The following FAM234A variants were observed in gnomAD, a reference collection of about 807,000 sequenced individuals.
FAM234A encodes family with sequence similarity 234 member A, also known as protein FAM234A.
A neutral mutation model predicts 49.1 loss-of-function variants in FAM234A; 42 were observed. That is an observed-to-expected ratio of 0.86 (90% CI 0.67 to 1.11). The LOEUF is 1.11. Ranked by LOEUF, FAM234A falls within the 50% of genes least tolerant of loss-of-function variation. FAM234A has a pLI of 0.00. For synonymous variants in FAM234A, 369 were observed against 316.2 expected (o/e 1.17, Z -1.77); for missense variants, 815 against 745.2 (o/e 1.09, Z -1.09).
downstream of FAM234A, chr16:269,298 C>T: frequency 6.3e-7 from 1 of 1,584,490 alleles, no homozygotes; most frequent in Non-Finnish European, 8.6e-7. Flanking sequence ...CCCCCAGGGC[C>T]ACAAGCCGCT....
At position 254,395 on chromosome 16, in the gene FAM234A, A is replaced by C. The variant is rs981876167; in HGVS notation, c.-19A>C. Reference sequence around the variant, plus strand: ...TATCGACACAGTGACCAGGAGTTAAACTTTGGGATGTGCCCGTGATGTTGG... The same window carrying C: ...TATCGACACAGTGACCAGGAGTTAACCTTTGGGATGTGCCCGTGATGTTGG... On this transcript the variant is annotated 5_prime_UTR_variant, in exon 3 of 13. Transcript: ENST00000399932. 5.6e-6 allele frequency: 9 copies of C among 1,612,794 alleles called. No individual in the cohort carries two copies. Among genetic ancestry groups the C allele is most frequent in the Non-Finnish European group, 5.9e-6 (7 of 1,179,292 alleles).
intron 1 of FAM234A, among the ~76,000 whole-genome samples, chr16:236,630 G>A (rs1361529307): frequency 6.7e-6 from 1 of 149,910 alleles, no homozygotes; most frequent in Admixed American, 6.7e-5. Flanking sequence ...AAATAGGCCG[G>A]GCGCGGTGGC....
chr16:268,491 G>T, downstream of FAM234A: 1 of 518,812 alleles, frequency 1.9e-6, no homozygotes, highest in East Asian at 3.4e-5. Flanking sequence ...AGGCACTTGG[G>T]GGATGGGGAG....
chr16:241,856 A>C (rs1292926449), intron 1 of FAM234A, among the ~76,000 whole-genome samples: 1 of 150,186 alleles, frequency 6.7e-6, no homozygotes, highest in Non-Finnish European at 1.5e-5. Flanking sequence ...CAGTGAGCCA[A>C]GATTGCACCA....
chr16:264,178 G>A lies in FAM234A; in HGVS notation c.1344+7G>A. On this transcript the variant is annotated splice_region_variant and intron_variant, in intron 11 of 12. Coordinates refer to ENST00000399932, the MANE Select transcript of FAM234A (RefSeq NM_032039.4). ...GGGGAGCACCAGCGAGACGGTACGG[G>A]AGCCACCCTCGGAGCAGCCATGCTG... is the stretch of plus-strand genomic sequence containing the variant. 6.3e-7 allele frequency: 1 copy of A among 1,594,558 alleles called. No homozygotes were observed. The highest frequency in any genetic ancestry group is 8.5e-7 in the Non-Finnish European group (1 of 1,175,472).
At chr16:239,175 C>T in intron 1 of FAM234A, among the ~76,000 whole-genome samples, 1 of 74 alleles carries the variant, frequency 0.014, no homozygotes, top group Non-Finnish European at 0.038. Context: ...TGGCGGGCAC[C>T]TGTAGTCCCA....
At chr16:268,087 CTT>C (rs931959936), downstream of FAM234A, among the ~76,000 whole-genome samples, 2 of 149,574 alleles carry the variant, frequency 1.3e-5, no homozygotes, top group African/African-American at 2.5e-5. Flanking sequence ...CGTACACACA[CTT>C]GTGCCTCAGT....
intron 10 of FAM234A, 64 bp downstream of exon 10, chr16:263,839 G>A: frequency 6.8e-7 from 1 of 1,475,762 alleles, no homozygotes; most frequent in Non-Finnish European, 9.5e-7. Flanking sequence ...TGGTCTGAAA[G>A]CAGACGGGGC....
chr16:259,405 A>G (rs1411555090), intron 3 of FAM234A, 78 bp from the exon 4 acceptor site: 2 of 806,802 alleles, frequency 2.5e-6, no homozygotes, highest in Non-Finnish European at 4.3e-6. Flanking sequence ...GTAGCAGAGA[A>G]GTAGGTCGTG....
Position 254,419 on chromosome 16 carries a change from G to A in FAM234A, c.6G>A (p.Leu2=). 6.2e-7 allele frequency: 1 copy of A among 1,613,776 alleles called. No individual in the cohort carries two copies. Among genetic ancestry groups the A allele is most frequent in the East Asian group, 2.2e-5 (1 of 44,874 alleles). ...AACTTTGGGATGTGCCCGTGATGTT[G>A]GACCACAAGGACTTAGAGGCCGAAA... The part of the protein sequence containing the change: M[L]DHKDLEAEIH... The change falls in exon 3 of 13, where the codon TTG becomes TTA. Residue 2 remains leucine (L), a synonymous_variant. Transcript: ENST00000399932.
Position 264,062 on chromosome 16 carries a change from C to T in FAM234A, c.1235C>T (p.Ala412Val). 1.2e-6 allele frequency: 2 copies of T among 1,613,168 alleles called. No homozygotes were observed. The highest frequency in any genetic ancestry group is 1.7e-6 in the Non-Finnish European group (2 of 1,179,970). The change falls in exon 11 of 13, where the codon GCC becomes GTC. Residue 412 changes from alanine to valine, a missense_variant. Transcript: ENST00000399932. ...LGTGAVLCSL[A>V]LPSLPGGPLS... ...ACTGGAGCCGTCCTGTGTAGCCTAG[C>T]CCTCCCGAGCCTCCCTGGGGGTCCA...
chr16:246,058 C>CTGGGTGCGGTGG (rs1173820144), intron 1 of FAM234A, among the ~76,000 whole-genome samples: 3 of 151,248 alleles, frequency 2.0e-5, no homozygotes, highest in Non-Finnish European at 4.4e-5. Flanking sequence ...CAAAAATTAG[C>CTGGGTGCGGTGG]TGGGTGCGGT....
In FAM234A at chr16:262,434, C is replaced by T. The variant is rs1324865677; in HGVS notation, c.852C>T (p.Leu284=). The change falls in exon 8 of 13, where the codon CTC becomes CTT. Residue 284 remains leucine (L), a synonymous_variant. Transcript: ENST00000399932. ...HYILFPCASS[L]CGCSVKGLYE... ...CTGTGTTTTGAATAGCAAGCTCCCT[C>T]TGCGGCTGCTCTGTGAAGGGTCTCT... 1 of 1,604,150 alleles carries T rather than the reference C, an allele frequency of 6.2e-7. No homozygotes were observed. Among genetic ancestry groups the T allele is most frequent in the Non-Finnish European group, 8.5e-7 (1 of 1,174,796 alleles).
At chr16:260,276 C>A in intron 5 of FAM234A, 116 bp downstream of exon 5, 1 of 993,600 alleles carries the variant, frequency 1.0e-6, no homozygotes, top group African/African-American at 1.6e-5. Flanking sequence ...TTGAGGGTGG[C>A]TGGATGGGAA....
rs527520280 is a variant in FAM234A, at chr16:265,893, C to G, written c.*871C>G. On this transcript the variant is annotated 3_prime_UTR_variant, in exon 13 of 13. Coordinates refer to ENST00000399932, the MANE Select transcript of FAM234A (RefSeq NM_032039.4). ...ATGGCAAGCGCCTGCCTCTCCCCTTCCGGTGCTCACACGCCCACGCCGTGC... is the reference window on the plus strand; with the variant it reads ...ATGGCAAGCGCCTGCCTCTCCCCTTGCGGTGCTCACACGCCCACGCCGTGC... 46 of 986,500 alleles carry G rather than the reference C, an allele frequency of 4.7e-5. 1 individual carries two copies. The highest frequency in any genetic ancestry group is 5.4e-5 in the Non-Finnish European group (45 of 830,678). 61.1% of individuals were successfully genotyped at this position (986,500 alleles called of 1,614,324 possible).
chr16:268,783 C>G, downstream of FAM234A: 1 of 1,550,142 alleles, frequency 6.5e-7, no homozygotes, highest in Admixed American at 2.0e-5. Context: ...CAGGCTCACA[C>G]TGGGCGACAG....
At chr16:269,087 A>G (rs562788031), downstream of FAM234A, 65 of 951,584 alleles carry the variant, frequency 6.8e-5, no homozygotes, top group African/African-American at 8.3e-4. Context: ...CCTTCTGGGC[A>G]GGGAGGGCTT....
chr16:247,982 G>T (rs994053926), intron 1 of FAM234A, among the ~76,000 whole-genome samples: 3 of 152,102 alleles, frequency 2.0e-5, no homozygotes, highest in Non-Finnish European at 4.4e-5. Flanking sequence ...GGAGCCCAGT[G>T]CTGGGTTCAG....
downstream of FAM234A, chr16:268,696 G>A (rs182059870): frequency 2.1e-5 from 31 of 1,446,464 alleles, no homozygotes; most frequent in East Asian, 2.0e-4. Context: ...CGCGTTTGGC[G>A]AGGGAGGAAT....
Sources: gnomAD v4.1 joint callset for allele counts (sites outside exome capture counted in the v4.1 genomes callset) on GRCh38, gnomAD v4.1.1 for gene constraint, MANE v1.5 for transcripts, NCBI Gene and HGNC (gene_info 2026-07-23, HGNC 2026-07-21) for gene names.